OTOA: variants seen among roughly 807,000 people sequenced by gnomAD.
OTOA encodes otoancorin, also known as cancer/testis antigen 108.
In OTOA, 70 loss-of-function variants were observed where a neutral mutation model predicts 110.8. That is an observed-to-expected ratio of 0.63 (90% CI 0.52 to 0.77). The LOEUF is 0.77. OTOA is among the 30% of genes least tolerant of loss of function. The probability of loss-of-function intolerance (pLI) is 0.00; values close to 1 mark genes in which losing one functional copy is unlikely to be tolerated. For missense variants in OTOA, 917 were observed against 1,075.8 expected (o/e 0.85, Z 2.06); for synonymous variants, 373 against 431.5 (o/e 0.86, Z 1.68).
chr16:21,735,093 A>G (rs1341431458), intron 21 of OTOA, among the ~76,000 whole-genome samples: 1 of 150,332 alleles, frequency 6.7e-6, no homozygotes, highest in Non-Finnish European at 1.5e-5. Flanking sequence ...GTGAGTGGAG[A>G]TCACACCACT....
chr16:21,695,877 A>ATTTT, intron 9 of OTOA, among the ~76,000 whole-genome samples: 3 of 34,688 alleles, frequency 8.6e-5, no homozygotes, highest in Non-Finnish European at 1.7e-4. Context: ...ATATATATAT[A>ATTTT]TATATATATA....
At chr16:21,751,435 G>T (rs1313585615) in intron 24 of OTOA, among the ~76,000 whole-genome samples, 1 of 50,960 alleles carries the variant, frequency 2.0e-5, no homozygotes, top group Non-Finnish European at 4.8e-5. Context: ...TAAAGCACGA[G>T]AATTGCTTGA....
intron 1 of OTOA, among the ~76,000 whole-genome samples, chr16:21,669,362 A>C (rs541827438): frequency 2.6e-5 from 4 of 152,062 alleles, no homozygotes; most frequent in South Asian, 2.1e-4. Flanking sequence ...AAAAACCCCC[A>C]AAACAGAAGA....
chr16:21,697,989 C>A, intron 10 of OTOA, 114 bp downstream of exon 10: 2 of 883,872 alleles, frequency 2.3e-6, no homozygotes, highest in Non-Finnish European at 3.7e-6. Flanking sequence ...AATTGTGTAC[C>A]CTCCTCAGCC....
chr16:21,674,516 T>C (rs1021329283), intron 1 of OTOA, among the ~76,000 whole-genome samples: 3 of 152,062 alleles, frequency 2.0e-5, no homozygotes, highest in African/African-American at 7.3e-5. Flanking sequence ...GTATTTTTAG[T>C]AGAGATGGGG....
At chr16:21,714,383 CTTTCTCTCTTTCTT>C (rs749392366) in intron 13 of OTOA, among the ~76,000 whole-genome samples, 48 of 118,018 alleles carry the variant, frequency 4.1e-4, no homozygotes, top group South Asian at 1.7e-3. Context: ...CTCTTTCTCT[CTTTCTCTCTTTCTT>C]TCTCTTTCTT....
Position 21,726,452 on chromosome 16 carries a change from C to A in OTOA, c.1881-71C>A, listed in dbSNP as rs1462465653. 6 of 1,589,656 alleles carry A rather than the reference C, an allele frequency of 3.8e-6. No individual in the cohort carries two copies. The South Asian group carries it at 6.6e-5, about 18-fold the overall frequency. On this transcript the variant is annotated intron_variant, in intron 18 of 28. Coordinates refer to ENST00000646100, the MANE Select transcript of OTOA (RefSeq NM_144672.4). ...TCTTTGGGATGAGCTCTTGGGCAGG[C>A]GGACCCTGATTTTAGGGGCCAACAG...
At chr16:21,750,215 G>C (rs1899789471) in intron 24 of OTOA, among the ~76,000 whole-genome samples, 1 of 151,268 alleles carries the variant, frequency 6.6e-6, no homozygotes, top group African/African-American at 2.4e-5. Context: ...AGGAGTTTGA[G>C]ACCAGCCTGG....
At position 21,719,700 on chromosome 16, in the gene OTOA, G is replaced by T. The variant is rs73531709; in HGVS notation, c.1806+196G>T. ...AAATACCCACATCACTACAGCCAAA[G>T]AATCAACAGATTGGTTATTCCATAC... On this transcript the variant is annotated intron_variant, in intron 17 of 28. Coordinates refer to ENST00000646100, the MANE Select transcript of OTOA (RefSeq NM_144672.4). Among the ~76,000 whole-genome samples, 218 of 152,210 alleles carry T rather than the reference G, an allele frequency of 1.4e-3. 1 individual carries two copies. Among genetic ancestry groups the T allele is most frequent in the African/African-American group, 4.8e-3 (198 of 41,522 alleles).
intron 1 of OTOA, among the ~76,000 whole-genome samples, chr16:21,666,827 T>A (rs1309499830): frequency 1.3e-5 from 2 of 152,140 alleles, no homozygotes; most frequent in East Asian, 3.8e-4. Flanking sequence ...CCAAAGTGCC[T>A]TTAATGAAAA....
intron 21 of OTOA, among the ~76,000 whole-genome samples, chr16:21,735,447 C>T (rs1007253315): frequency 6.6e-6 from 1 of 152,086 alleles, no homozygotes; most frequent in Non-Finnish European, 1.5e-5. Flanking sequence ...ATGATCCAAT[C>T]ACCTCTCACT....
At chr16:21,733,679 G>A (rs1214353923) in intron 21 of OTOA, among the ~76,000 whole-genome samples, 2 of 150,518 alleles carry the variant, frequency 1.3e-5, no homozygotes, top group Non-Finnish European at 3.0e-5. Flanking sequence ...ATGAGAAATG[G>A]CACTTTCTCC....
intron 2 of OTOA, 52 bp downstream of exon 2, chr16:21,678,657 A>C: frequency 6.7e-7 from 1 of 1,491,154 alleles, no homozygotes. Context: ...AGTTTAGGGA[A>C]TGAGGTGGGA....
chr16:21,691,160 G>A (rs968002956), intron 8 of OTOA, among the ~76,000 whole-genome samples: 2 of 152,084 alleles, frequency 1.3e-5, no homozygotes, highest in Non-Finnish European at 2.9e-5. Flanking sequence ...CTTTTTTAGG[G>A]CTGCATAGTA....
intron 27 of OTOA, among the ~76,000 whole-genome samples, chr16:21,756,049 C>A (rs1289434244): frequency 6.6e-6 from 1 of 151,346 alleles, no homozygotes; most frequent in African/African-American, 2.4e-5. Flanking sequence ...AAGTATCTAC[C>A]TGGACAAAAG....
chr16:21,670,086 A>G (rs1489591001), intron 1 of OTOA, among the ~76,000 whole-genome samples: 2 of 152,106 alleles, frequency 1.3e-5, no homozygotes, highest in Non-Finnish European at 2.9e-5. Context: ...AGATTGTGCC[A>G]CTGCACTCTA....
rs553222576 is a variant in OTOA at position 21,709,998 on chromosome 16, C to T, written c.1215C>T (p.Leu405=). The T allele has an allele frequency of 6.2e-7, 1 of 1,614,094 alleles. No individual in the cohort carries two copies. The highest frequency in any genetic ancestry group is 8.5e-7 in the Non-Finnish European group (1 of 1,179,980). ...TGACCTACAGCCAACTGGAATCCCT[C>T]TCCCCCGAGGCTGTGCACGGAGCCA... ...VGLTYSQLES[L]SPEAVHGAIS... Residue 405 remains leucine (L), a synonymous_variant, in exon 13 of 29, where the codon CTC becomes CTT. Coordinates refer to ENST00000646100, the MANE Select transcript of OTOA (RefSeq NM_144672.4).
At chr16:21,747,980 TGG>T in intron 24 of OTOA, 1 of 102,834 alleles carries the variant, frequency 9.7e-6, no homozygotes, top group South Asian at 4.7e-4. Flanking sequence ...GTATGGGCCC[TGG>T]AATCAGACTG....
intron 11 of OTOA, chr16:21,704,940 T>C (rs1898127051): frequency 6.3e-6 from 5 of 789,684 alleles, no homozygotes; most frequent in Non-Finnish European, 1.2e-5. Context: ...CCATGCCATG[T>C]GGTGTCCACT....
Sources: gnomAD v4.1 joint callset for allele counts (sites outside exome capture counted in the v4.1 genomes callset) on GRCh38, gnomAD v4.1.1 for gene constraint, MANE v1.5 for transcripts, NCBI Gene and HGNC (gene_info 2026-07-23, HGNC 2026-07-21) for gene names.